B4GALT6: variants seen among roughly 807,000 people sequenced by gnomAD.
The protein encoded by B4GALT6 is UDP-Gal:beta-GlcNAc beta-1,4-galactosyltransferase 6.
In B4GALT6, 14 loss-of-function variants were observed where a neutral mutation model predicts 46.3. The observed-to-expected ratio is 0.30, with a 90% CI of 0.20 to 0.47. B4GALT6 has a LOEUF of 0.47. B4GALT6 is among the 20% of genes least tolerant of loss of function. The pLI, the probability that B4GALT6 is intolerant of heterozygous loss-of-function variation, is 0.99. For synonymous variants in B4GALT6, 168 were observed against 162.0 expected, an observed-to-expected ratio of 1.04 and a Z score of -0.28; for missense variants, 386 against 480.1, an observed-to-expected ratio of 0.80 and a Z score of 1.83.
chr18:31,700,970 T>C, the B4GALT6 span, among the ~76,000 whole-genome samples: 1 of 152,160 alleles, frequency 6.6e-6, no homozygotes, highest in African/African-American at 2.4e-5. Flanking sequence ...ATTTATATCA[T>C]GGCATAGCAA....
the B4GALT6 span, among the ~76,000 whole-genome samples, chr18:31,691,322 T>C: frequency 1.1e-4 from 4 of 37,754 alleles, no homozygotes; most frequent in African/African-American, 1.8e-4. Flanking sequence ...TATATATATA[T>C]ATATATATAT....
At chr18:31,639,388 T>A (rs968203814) in intron 4 of B4GALT6, among the ~76,000 whole-genome samples, 2 of 152,174 alleles carry the variant, frequency 1.3e-5, no homozygotes, top group African/African-American at 4.8e-5. Context: ...TACACATGGT[T>A]TCTCTGTCCT....
At chr18:31,697,321 G>A in the B4GALT6 span, among the ~76,000 whole-genome samples, 1 of 151,946 alleles carries the variant, frequency 6.6e-6, no homozygotes, top group Admixed American at 6.6e-5. Context: ...AAATGGAGAA[G>A]ATGGCAGGCA....
the B4GALT6 span, chr18:31,724,547 G>A: frequency 5.8e-6 from 6 of 1,027,764 alleles, no homozygotes; most frequent in South Asian, 3.8e-5. Context: ...AATCGACTGA[G>A]ACTTTGGCTC....
upstream of B4GALT6, among the ~76,000 whole-genome samples, chr18:31,689,202 G>A (rs1230364159): frequency 2.6e-5 from 4 of 152,144 alleles, no homozygotes; most frequent in Admixed American, 6.5e-5. Context: ...TGCTGGTTTT[G>A]CCTTACAGGG....
At chr18:31,704,359 C>T in the B4GALT6 span, among the ~76,000 whole-genome samples, 1 of 151,898 alleles carries the variant, frequency 6.6e-6, no homozygotes, top group Non-Finnish European at 1.5e-5. Context: ...CAGAAATGCG[C>T]CACCATGCCC....
chr18:31,687,194 C>T (rs1169341096), upstream of B4GALT6, among the ~76,000 whole-genome samples: 2 of 152,180 alleles, frequency 1.3e-5, no homozygotes, highest in African/African-American at 2.4e-5. Context: ...CAAGCCTAGT[C>T]GGTGCAGCCA....
chr18:31,686,161 T>G (rs1186957989), upstream of B4GALT6: 1 of 152,256 alleles, frequency 6.6e-6, no homozygotes, highest in Admixed American at 6.5e-5. Flanking sequence ...GGTGTTTCTT[T>G]TTCAACTAAT....
chr18:31,703,760 C>CAAATGCAT, the B4GALT6 span, among the ~76,000 whole-genome samples: 2 of 152,176 alleles, frequency 1.3e-5, no homozygotes, highest in Non-Finnish European at 2.9e-5. Context: ...CAGAACCAAA[C>CAAATGCAT]AAATGCATTC....
At chr18:31,690,179 G>T (rs559783128), upstream of B4GALT6, among the ~76,000 whole-genome samples, 298 of 152,288 alleles carry the variant, frequency 2.0e-3, no homozygotes, top group Non-Finnish European at 3.6e-3. Context: ...GTCCAGGCTG[G>T]AGTGCAGTGG....
intron 1 of B4GALT6, among the ~76,000 whole-genome samples, chr18:31,677,357 C>G (rs1303571778): frequency 6.6e-6 from 1 of 152,078 alleles, no homozygotes; most frequent in African/African-American, 2.4e-5. Context: ...TTTGCTAAAA[C>G]CAAAAACAAT....
chr18:31,631,424 A>T (rs1395483606), intron 5 of B4GALT6, among the ~76,000 whole-genome samples: 1 of 152,082 alleles, frequency 6.6e-6, no homozygotes, highest in Non-Finnish European at 1.5e-5. Flanking sequence ...ATTAGACCCA[A>T]ATGAAATAGA....
chr18:31,630,645 A>G (rs1598867130), intron 6 of B4GALT6, among the ~76,000 whole-genome samples: 1 of 152,312 alleles, frequency 6.6e-6, no homozygotes, highest in East Asian at 1.9e-4. Flanking sequence ...ACACCTTCAG[A>G]GATGCAAGTG....
At chr18:31,719,758 C>T in the B4GALT6 span, among the ~76,000 whole-genome samples, 2 of 152,014 alleles carry the variant, frequency 1.3e-5, no homozygotes, top group African/African-American at 2.4e-5. Flanking sequence ...GGAATCATAG[C>T]GGATCAAAGT....
At chr18:31,718,460 G>T in the B4GALT6 span, among the ~76,000 whole-genome samples, 1 of 152,152 alleles carries the variant, frequency 6.6e-6, no homozygotes, top group Non-Finnish European at 1.5e-5. Flanking sequence ...TTCAGAAGTT[G>T]CCTGTCATTC....
the B4GALT6 span, among the ~76,000 whole-genome samples, chr18:31,701,530 G>A: frequency 6.6e-6 from 1 of 152,026 alleles, no homozygotes; most frequent in Non-Finnish European, 1.5e-5. Flanking sequence ...TCAAGTCATG[G>A]GGAAACATAA....
intron 3 of B4GALT6, among the ~76,000 whole-genome samples, chr18:31,649,669 A>T (rs12962843): frequency 0.37 from 55,810 of 151,766 alleles, 10,388 homozygotes; most frequent in Middle Eastern, 0.49. Context: ...TCCAAATCAC[A>T]AATCATCAGA....
At chr18:31,709,815 A>G in the B4GALT6 span, among the ~76,000 whole-genome samples, 2 of 152,080 alleles carry the variant, frequency 1.3e-5, no homozygotes, top group East Asian at 3.9e-4. Flanking sequence ...AAGTGTGGCC[A>G]GGTGTGGTGG....
In B4GALT6 at chr18:31,626,391, T is replaced by A. The variant is rs2073697671; in HGVS notation, c.900-7A>T. On this transcript the variant is annotated splice_region_variant and splice_polypyrimidine_tract_variant and intron_variant, in intron 7 of 8. Coordinates refer to ENST00000306851, the MANE Select transcript of B4GALT6 (RefSeq NM_004775.5). ...ATATCCAGCATAGTGAACTCTACAA[T>A]GCCATATATGGAAATGAAAATATAG... is the stretch of plus-strand genomic sequence containing the variant. 7.1e-7 allele frequency: 1 copy of A among 1,414,782 alleles called. No homozygotes were observed. 87.6% of individuals were successfully genotyped at this position (1,414,782 alleles called of 1,614,324 possible).
Sources: allele counts gnomAD v4.1 joint callset (sites outside exome capture counted in the v4.1 genomes callset), GRCh38; gene constraint gnomAD v4.1.1; transcripts MANE v1.5; gene names NCBI Gene and HGNC (gene_info 2026-07-23, HGNC 2026-07-21).